The following RAD51B variants were observed in gnomAD, a reference collection of about 807,000 sequenced individuals.
RAD51B encodes DNA repair protein RAD51 homolog 2.
A neutral mutation model predicts 42.2 loss-of-function variants in RAD51B; 38 were observed. The observed-to-expected ratio is 0.90, with a 90% CI of 0.70 to 1.18. The LOEUF (loss-of-function observed/expected upper bound fraction) is 1.18. Among genes scored for constraint, RAD51B ranks in the 50% most tolerant of loss-of-function variants. The pLI is 0.00. For synonymous variants in RAD51B, 154 were observed against 145.2 expected (o/e 1.06, Z -0.43); for missense variants, 373 against 400.7 (o/e 0.93, Z 0.59).
intron 7 of RAD51B, among the ~76,000 whole-genome samples, chr14:68,194,565 G>A (rs908412799): frequency 2.6e-5 from 4 of 152,208 alleles, no homozygotes; most frequent in Admixed American, 2.6e-4. Flanking sequence ...GTAGCTTTGA[G>A]TTTCTTGAAT....
chr14:68,674,252 A>G (rs942010888), intron 11 of RAD51B, among the ~76,000 whole-genome samples: 3 of 152,144 alleles, frequency 2.0e-5, no homozygotes. Context: ...CGTACACACT[A>G]TATACACATA....
intron 7 of RAD51B, among the ~76,000 whole-genome samples, chr14:67,983,390 G>A (rs549639182): frequency 2.0e-5 from 3 of 152,030 alleles, no homozygotes; most frequent in Non-Finnish European, 4.4e-5. Flanking sequence ...ACATAAGAAG[G>A]CCTATGTAGT....
intron 7 of RAD51B, among the ~76,000 whole-genome samples, chr14:68,238,592 ACTGTGCCCAAC>A (rs2080317519): frequency 6.6e-6 from 1 of 152,216 alleles, no homozygotes; most frequent in Non-Finnish European, 1.5e-5. Flanking sequence ...GGCATGAGCC[ACTGTGCCCAAC>A]CATATTTATT....
At chr14:68,201,063 T>G (rs2079475224) in intron 7 of RAD51B, among the ~76,000 whole-genome samples, 1 of 152,218 alleles carries the variant, frequency 6.6e-6, no homozygotes. Flanking sequence ...TTGCTTTGCT[T>G]AAGTAGTAGA....
chr14:67,971,519 T>G (rs1414258878), intron 7 of RAD51B, among the ~76,000 whole-genome samples: 2 of 152,082 alleles, frequency 1.3e-5, no homozygotes, highest in East Asian at 3.8e-4. Flanking sequence ...ATTGCAGCTT[T>G]GTACTTAGAA....
intron 7 of RAD51B, among the ~76,000 whole-genome samples, chr14:67,952,126 A>G (rs1424637432): frequency 1.3e-5 from 2 of 152,040 alleles, no homozygotes; most frequent in African/African-American, 4.8e-5. Flanking sequence ...TAGCAACAGT[A>G]TTGTCACAAA....
chr14:67,893,605 A>G (rs958868060), intron 7 of RAD51B, among the ~76,000 whole-genome samples: 1 of 152,090 alleles, frequency 6.6e-6, no homozygotes, highest in Non-Finnish European at 1.5e-5. Flanking sequence ...CAGGAGTTCA[A>G]GGCTGCAATG....
chr14:68,090,901 T>G (rs1479706716), intron 7 of RAD51B, among the ~76,000 whole-genome samples: 4 of 130,496 alleles, frequency 3.1e-5, no homozygotes, highest in Non-Finnish European at 6.3e-5. Flanking sequence ...CCTTCCTGTG[T>G]CCATGTGTTC....
rs552680431 is a variant in RAD51B at position 68,558,198 on chromosome 14, A to T, written c.1037-36287A>T. Among the ~76,000 whole-genome samples, 11 of 152,254 alleles carry T rather than the reference A, an allele frequency of 7.2e-5. No homozygotes were observed. The South Asian group carries it at 2.3e-3, about 32-fold the overall frequency. On this transcript the variant is annotated intron_variant, in intron 10 of 10. Coordinates refer to the RAD51B transcript ENST00000487270. ...GAGCAGGAGGTTTAGGGGCCTTCAT[A>T]ACCTTTCAAGTGTTGGTTTCCGTTG...
intron 10 of RAD51B, among the ~76,000 whole-genome samples, chr14:68,507,840 A>T (rs775887613): frequency 6.6e-6 from 1 of 152,192 alleles, no homozygotes; most frequent in Non-Finnish European, 1.5e-5. Flanking sequence ...CTCCTCCGCC[A>T]GTCTAGACTC....
intron 7 of RAD51B, among the ~76,000 whole-genome samples, chr14:67,940,094 G>A (rs2057246): frequency 4.3e-5 from 2 of 46,096 alleles, no homozygotes; most frequent in African/African-American, 1.6e-4. Context: ...TTTTTTTTGA[G>A]ATGGAATCTC....
intron 10 of RAD51B, among the ~76,000 whole-genome samples, chr14:68,568,812 C>A (rs944423211): frequency 2.0e-5 from 3 of 147,970 alleles, no homozygotes; most frequent in African/African-American, 8.0e-5. Flanking sequence ...CCTCTGCCCT[C>A]TCTTTGCCTT....
At chr14:68,399,925 T>G (rs1206162280) in intron 8 of RAD51B, among the ~76,000 whole-genome samples, 2 of 152,250 alleles carry the variant, frequency 1.3e-5, no homozygotes, top group African/African-American at 4.8e-5. Flanking sequence ...CTTTTTGCAC[T>G]AATGGTTTTT....
intron 10 of RAD51B, among the ~76,000 whole-genome samples, chr14:68,503,927 A>G (rs1422665196): frequency 6.6e-6 from 1 of 152,162 alleles, no homozygotes; most frequent in Non-Finnish European, 1.5e-5. Context: ...AAAAGGAAAA[A>G]CAGAAAGGAA....
intron 7 of RAD51B, among the ~76,000 whole-genome samples, chr14:68,286,807 A>T (rs920860271): frequency 6.6e-6 from 1 of 152,214 alleles, no homozygotes; most frequent in African/African-American, 2.4e-5. Flanking sequence ...CTAAAGAAAG[A>T]TGAGTCAGCT....
chr14:68,299,231 G>A (rs1403699213), intron 8 of RAD51B, among the ~76,000 whole-genome samples: 3 of 151,992 alleles, frequency 2.0e-5, no homozygotes, highest in Non-Finnish European at 4.4e-5. Flanking sequence ...TATACTGTAT[G>A]CCTGGCATCG....
intron 7 of RAD51B, among the ~76,000 whole-genome samples, chr14:68,075,531 C>T (rs528379886): frequency 2.0e-4 from 30 of 152,250 alleles, no homozygotes; most frequent in Middle Eastern, 3.4e-3. Flanking sequence ...GGGCTCCCCT[C>T]CACATGGTGG....
At chr14:68,674,128 TAC>T (rs763722428) in intron 11 of RAD51B, among the ~76,000 whole-genome samples, 14 of 152,062 alleles carry the variant, frequency 9.2e-5, no homozygotes, top group African/African-American at 2.4e-4. Flanking sequence ...CATACACACA[TAC>T]ACACACATAT....
chr14:67,876,155 A>G (rs1262743402), intron 5 of RAD51B, among the ~76,000 whole-genome samples: 1 of 145,894 alleles, frequency 6.9e-6, no homozygotes, highest in Non-Finnish European at 1.5e-5. Flanking sequence ...TAATGAATTA[A>G]TAGATTCATA....
Sources: gnomAD v4.1 joint callset for allele counts (sites outside exome capture counted in the v4.1 genomes callset) on GRCh38, gnomAD v4.1.1 for gene constraint, MANE v1.5 for transcripts, NCBI Gene and HGNC (gene_info 2026-07-23, HGNC 2026-07-21) for gene names.